SCOC: variants seen among roughly 807,000 people sequenced by gnomAD.
SCOC encodes the protein short coiled-coil protein, also known as short coiled coil protein.
A neutral mutation model predicts 9.9 loss-of-function variants in SCOC; 7 were observed. The observed-to-expected ratio is 0.71, with a 90% CI of 0.40 to 1.33. SCOC has a LOEUF of 1.33. SCOC is among the 40% of genes most tolerant of loss of function. The pLI is 0.01. For missense variants in SCOC, 66 were observed against 89.7 expected, an observed-to-expected ratio of 0.74 and a Z score of 1.07; for synonymous variants, 19 against 28.2, an observed-to-expected ratio of 0.67 and a Z score of 1.03.
intron 1 of SCOC, among the ~76,000 whole-genome samples, chr4:140,301,120 A>T (rs1731798487): frequency 6.6e-6 from 1 of 152,188 alleles, no homozygotes; most frequent in Non-Finnish European, 1.5e-5. Context: ...TGGTGGATGG[A>T]GAGTGATAGA....
intron 1 of SCOC, among the ~76,000 whole-genome samples, chr4:140,302,818 G>A (rs1454197582): frequency 3.9e-5 from 6 of 152,138 alleles, no homozygotes; most frequent in South Asian, 2.1e-4. Flanking sequence ...GACTGTAGAC[G>A]TAGTTACCCA....
intron 1 of SCOC, among the ~76,000 whole-genome samples, chr4:140,327,051 C>T (rs1202833579): frequency 6.6e-6 from 1 of 152,210 alleles, no homozygotes; most frequent in Non-Finnish European, 1.5e-5. Context: ...TTGAAAATCA[C>T]TTCCTACATC....
intron 2 of SCOC, among the ~76,000 whole-genome samples, chr4:140,359,884 G>A (rs371699145): frequency 2.6e-5 from 4 of 152,282 alleles, no homozygotes; most frequent in Admixed American, 6.5e-5. Context: ...CTCTTCCTCC[G>A]CATGGAACTC....
At chr4:140,271,914 A>C (rs1730853370) in intron 1 of SCOC, among the ~76,000 whole-genome samples, 1 of 152,074 alleles carries the variant, frequency 6.6e-6, no homozygotes, top group Non-Finnish European at 1.5e-5. Context: ...CAGCCTTGGA[A>C]AGGTGGAATG....
upstream of SCOC, chr4:140,373,380 G>T: frequency 6.9e-7 from 1 of 1,451,722 alleles, no homozygotes; most frequent in African/African-American, 1.4e-5. Context: ...CTTCACCAGC[G>T]CCGCTTAGCT....
chr4:140,308,818 G>T (rs1395647348), intron 1 of SCOC, among the ~76,000 whole-genome samples: 5 of 152,338 alleles, frequency 3.3e-5, no homozygotes, highest in African/African-American at 1.2e-4. Flanking sequence ...TTCTGTGTGT[G>T]TGGAGAAGGG....
At chr4:140,265,715 C>T (rs531380373) in intron 1 of SCOC, among the ~76,000 whole-genome samples, 3 of 152,164 alleles carry the variant, frequency 2.0e-5, no homozygotes, top group African/African-American at 4.8e-5. Context: ...CTATAGTTCA[C>T]GATGTACAGA....
At chr4:140,332,359 C>CTTTTTTTT (rs70943486) in intron 1 of SCOC, among the ~76,000 whole-genome samples, 3 of 76,776 alleles carry the variant, frequency 3.9e-5, no homozygotes, top group Non-Finnish European at 5.7e-5. Context: ...CTGGAGTCAT[C>CTTTTTTTT]TTTTTTTTTT....
At chr4:140,341,047 C>A (rs570628228), upstream of SCOC, among the ~76,000 whole-genome samples, 1 of 151,802 alleles carries the variant, frequency 6.6e-6, no homozygotes, top group Non-Finnish European at 1.5e-5. Flanking sequence ...CCACCCGCCT[C>A]GGCCTCCCAA....
intron 2 of SCOC, among the ~76,000 whole-genome samples, chr4:140,361,856 T>G (rs1317701813): frequency 1.3e-5 from 2 of 152,124 alleles, no homozygotes; most frequent in Non-Finnish European, 2.9e-5. Flanking sequence ...ACAAGATACT[T>G]TCTTGTAATG....
chr4:140,383,497 G>C lies in SCOC; in HGVS notation c.*2393G>C, dbSNP rs146332111. 2.0e-5 allele frequency: 3 copies of C among 152,322 alleles called. No individual in the cohort carries two copies. The highest frequency in any genetic ancestry group is 7.2e-5 in the African/African-American group (3 of 41,556). 9.4% of individuals were successfully genotyped at this position (152,322 alleles called of 1,614,324 possible). A position where few individuals can be genotyped will look rare whatever the true frequency, so the allele number is the denominator to read the frequency against. ...ACGTAAAAATTGTGGAATGCTCCTGGGAGATGTATGAAGATTTTGTCCCTA... is the reference window on the plus strand; with the variant it reads ...ACGTAAAAATTGTGGAATGCTCCTGCGAGATGTATGAAGATTTTGTCCCTA... On this transcript the variant is annotated 3_prime_UTR_variant, in exon 4 of 4. Coordinates refer to ENST00000608372, the MANE Select transcript of SCOC (RefSeq NM_001153484.2).
chr4:140,298,560 A>G (rs540851733), intron 1 of SCOC, among the ~76,000 whole-genome samples: 42 of 152,250 alleles, frequency 2.8e-4, no homozygotes, highest in Middle Eastern at 3.4e-3. Context: ...TAAGCTCTGG[A>G]AAGGAGGCTC....
chr4:140,366,450 G>T, intron 2 of SCOC: 1 of 1,519,834 alleles, frequency 6.6e-7, no homozygotes, highest in Non-Finnish European at 9.0e-7. Context: ...GCTTTTTTGG[G>T]AGAAGCTTTT....
intron 1 of SCOC, among the ~76,000 whole-genome samples, chr4:140,280,296 ATTTTTGTT>A (rs1731069745): frequency 6.6e-6 from 1 of 151,742 alleles, no homozygotes; most frequent in Admixed American, 6.6e-5. Context: ...TTGTATTTGT[ATTTTTGTT>A]TTTTTGTAGA....
chr4:140,301,226 G>T (rs933833976), intron 1 of SCOC, among the ~76,000 whole-genome samples: 4 of 152,136 alleles, frequency 2.6e-5, no homozygotes, highest in African/African-American at 9.7e-5. Flanking sequence ...GAACTCTGTT[G>T]TGCTTTCAGT....
intron 1 of SCOC, among the ~76,000 whole-genome samples, chr4:140,329,783 C>A (rs1395883792): frequency 4.0e-5 from 6 of 151,756 alleles, no homozygotes; most frequent in Non-Finnish European, 5.9e-5. Context: ...TGGCCGTAAT[C>A]AAAAAATAAA....
chr4:140,264,197 T>A (rs1200921085), intron 1 of SCOC, among the ~76,000 whole-genome samples: 1 of 151,854 alleles, frequency 6.6e-6, no homozygotes, highest in East Asian at 1.9e-4. Context: ...GAGATGGGGG[T>A]CTCACCATGT....
At position 140,328,662 on chromosome 4, in the gene SCOC, T is replaced by C. The variant is rs114305731; in HGVS notation, c.-18-14959T>C. ...TTTTGATCTGGGTGTTGGATACATA[T>C]TACGTATCTGTACTCTTATAATTTG... is the stretch of plus-strand genomic sequence containing the variant. On this transcript the variant is annotated intron_variant, in intron 1 of 4. Coordinates refer to the SCOC transcript ENST00000394205. 6.1e-3 allele frequency among the ~76,000 whole-genome samples: 928 copies of C among 152,338 alleles called. 3 individuals carry two copies. Among genetic ancestry groups the C allele is most frequent in the Non-Finnish European group, 9.6e-3 (655 of 68,022 alleles).
At chr4:140,332,301 C>A (rs1732839189) in intron 1 of SCOC, among the ~76,000 whole-genome samples, 1 of 151,032 alleles carries the variant, frequency 6.6e-6, no homozygotes, top group South Asian at 2.1e-4. Flanking sequence ...TAGTCTTTCT[C>A]ACCTAAGCTA....
Sources: gnomAD v4.1 joint callset for allele counts (sites outside exome capture counted in the v4.1 genomes callset) on GRCh38, gnomAD v4.1.1 for gene constraint, MANE v1.5 for transcripts, NCBI Gene and HGNC (gene_info 2026-07-23, HGNC 2026-07-21) for gene names.